CD33: variants seen among roughly 807,000 people sequenced by gnomAD.
CD33 encodes myeloid cell surface antigen CD33.
In CD33, 25 loss-of-function variants were observed where a neutral mutation model predicts 31.4. That is an observed-to-expected ratio of 0.80 (90% CI 0.58 to 1.11). The LOEUF is 1.11. Ranked by LOEUF, CD33 falls within the 50% of genes most tolerant of loss-of-function variation. CD33 has a pLI of 0.00. For missense variants in CD33, 407 were observed against 448.1 expected, an observed-to-expected ratio of 0.91 and a Z score of 0.83; for synonymous variants, 176 against 180.6, an observed-to-expected ratio of 0.97 and a Z score of 0.20.
At chr19:51,223,493 TAGCTGG>T (rs1252096607), upstream of CD33, among the ~76,000 whole-genome samples, 2 of 152,200 alleles carry the variant, frequency 1.3e-5, no homozygotes, top group Non-Finnish European at 2.9e-5. Context: ...GAAAACCATG[TAGCTGG>T]ACCTAAAGTT....
chr19:51,235,165 G>T lies in CD33; in HGVS notation c.754G>T (p.Glu252Ter). ...ATCTTTTTTGTCTGCAGGGAAACAAGAGACCAGAGCAGGAGTGGTTCATGG... is the reference window on the plus strand; with the variant it reads ...ATCTTTTTTGTCTGCAGGGAAACAATAGACCAGAGCAGGAGTGGTTCATGG... Reference protein sequence around the residue: ...IFPGDGSGKQETRAGVVHGAI... With the variant: ...IFPGDGSGKQ The change falls in exon 5 of 7, where the codon GAG becomes TAG. Residue 252 changes from glutamate to a stop codon, truncating the protein, a stop_gained. Coordinates refer to ENST00000262262, the MANE Select transcript of CD33 (RefSeq NM_001772.4). LOFTEE classifies it high-confidence loss of function. The T allele has an allele frequency of 6.2e-7, 1 of 1,613,830 alleles. No individual in the cohort carries two copies. The highest frequency in any genetic ancestry group is 8.5e-7 in the Non-Finnish European group (1 of 1,179,702).
At chr19:51,235,426 C>T in intron 5 of CD33, 169 bp from the exon 6 acceptor site, 1 of 1,331,774 alleles carries the variant, frequency 7.5e-7, no homozygotes, top group East Asian at 2.5e-5. Context: ...GCCCTGATCT[C>T]AGATGTCCAA....
intron 4 of CD33, 23 bp downstream of exon 4, chr19:51,226,379 G>T (rs752980958): frequency 6.2e-7 from 1 of 1,608,600 alleles, no homozygotes; most frequent in Non-Finnish European, 8.5e-7. Context: ...CTCCCCGCCT[G>T]GGGCTGTTAC....
rs368883449 is a variant in CD33, at chr19:51,225,843, A to G, written c.459A>G (p.Leu153=). 43 of 1,613,692 alleles carry G rather than the reference A, an allele frequency of 2.7e-5. No homozygotes were observed. Among genetic ancestry groups the G allele is most frequent in the South Asian group, 4.4e-5 (4 of 91,078 alleles). Residue 153 remains leucine, a synonymous_variant, in exon 3 of 7, where the codon CTA becomes CTG. Transcript: ENST00000262262. ...CCAAAATCCTCATCCCTGGCACTCT[A>G]GAACCCGGCCACTCCAAAAACCTGA... ...HRPKILIPGT[L]EPGHSKNLTC...
Position 51,226,032 on chromosome 19 carries a change from C to T in CD33, c.648C>T (p.Phe216=), listed in dbSNP as rs141510568. ...HGTNLTCQVK[F]AGAGVTTERT... ...CCAACCTGACCTGTCAGGTGAAGTT[C>T]GCTGGAGCTGGTGTGACTACGGAGA... The change falls in exon 3 of 7, where the codon TTC becomes TTT. Residue 216 remains phenylalanine (F), a synonymous_variant. Transcript: ENST00000262262. 11 of 1,614,044 alleles carry T rather than the reference C, an allele frequency of 6.8e-6. No individual in the cohort carries two copies. Among genetic ancestry groups the T allele is most frequent in the African/African-American group, 6.7e-5 (5 of 75,018 alleles).
Position 51,235,656 on chromosome 19 carries a change from A to G in CD33, c.904A>G (p.Thr302Ala). The change falls in exon 6 of 7, where the codon ACC becomes GCC. Residue 302 changes from threonine to alanine, a missense_variant. Coordinates refer to ENST00000262262, the MANE Select transcript of CD33 (RefSeq NM_001772.4). ...TAVGRNDTHP[T>A]TGSASPKHQK... Reference sequence around the variant, plus strand: ...AGTGGGCAGGAATGACACCCACCCTACCACAGGGTCAGCCTCCCCGGTGAG... The same window carrying G: ...AGTGGGCAGGAATGACACCCACCCTGCCACAGGGTCAGCCTCCCCGGTGAG... The G allele has an allele frequency of 6.2e-7, 1 of 1,613,762 alleles. No individual in the cohort carries two copies. The highest frequency in any genetic ancestry group is 8.5e-7 in the Non-Finnish European group (1 of 1,179,902).
chr19:51,235,045 G>A (rs1406230840), intron 4 of CD33, 112 bp from the exon 5 acceptor site: 7 of 771,042 alleles, frequency 9.1e-6, no homozygotes, highest in Non-Finnish European at 1.6e-5. Flanking sequence ...GAAGATCTAG[G>A]AGCTAAACCC....
intron 6 of CD33, chr19:51,236,162 A>G (rs536559892): frequency 2.8e-6 from 1 of 352,584 alleles, no homozygotes; most frequent in Non-Finnish European, 5.4e-6. Flanking sequence ...TGTCCCAAAA[A>G]GAAAAAAAAA....
upstream of CD33, among the ~76,000 whole-genome samples, chr19:51,220,065 CT>C (rs1427592741): frequency 6.6e-6 from 1 of 152,110 alleles, no homozygotes; most frequent in Admixed American, 6.5e-5. Context: ...GGATTCCCTC[CT>C]CCTGAATATT....
intron 6 of CD33, chr19:51,238,641 A>G (rs917141132): frequency 1.3e-5 from 2 of 152,262 alleles, no homozygotes; most frequent in Admixed American, 6.5e-5. Flanking sequence ...GGCTATTTGA[A>G]TGTAGCTAAG....
chr19:51,228,668 TTTTTGTTTTG>T (rs143779270), intron 4 of CD33, among the ~76,000 whole-genome samples: 47 of 151,068 alleles, frequency 3.1e-4, no homozygotes, highest in African/African-American at 5.1e-4. Flanking sequence ...AGTCTTTAGG[TTTTTGTTTTG>T]TTTTGTTTTG....
chr19:51,224,673 A>G (rs977956249), upstream of CD33, among the ~76,000 whole-genome samples: 4 of 152,078 alleles, frequency 2.6e-5, no homozygotes, highest in Admixed American at 6.5e-5. Flanking sequence ...CACGGACCCT[A>G]TAGAATCCTA....
chr19:51,235,078 C>T (rs1169979638), intron 4 of CD33, 79 bp from the exon 5 acceptor site: 1 of 1,191,520 alleles, frequency 8.4e-7, no homozygotes, highest in African/African-American at 1.5e-5. Context: ...GAAGTCACCC[C>T]TCTCTACATG....
chr19:51,217,669 T>G, the CD33 span, among the ~76,000 whole-genome samples: 1 of 152,176 alleles, frequency 6.6e-6, no homozygotes, highest in Non-Finnish European at 1.5e-5. Flanking sequence ...TCCACCAATC[T>G]TGGCCTCCCA....
intron 4 of CD33, among the ~76,000 whole-genome samples, chr19:51,229,354 T>C (rs768196929): frequency 5.9e-5 from 9 of 152,172 alleles, no homozygotes; most frequent in Non-Finnish European, 1.2e-4. Context: ...TCTAGTTTTC[T>C]TTTTTTATTG....
chr19:51,215,843 C>T, the CD33 span, among the ~76,000 whole-genome samples: 2 of 152,108 alleles, frequency 1.3e-5, no homozygotes, highest in East Asian at 1.9e-4. Flanking sequence ...ATGCCTGGGC[C>T]CTCACCTCCT....
At chr19:51,230,827 A>T (rs2123246621) in intron 4 of CD33, among the ~76,000 whole-genome samples, 1 of 152,310 alleles carries the variant, frequency 6.6e-6, no homozygotes, top group East Asian at 1.9e-4. Context: ...CTTGTCTGAC[A>T]TAATGTAAAA....
chr19:51,219,751 T>G, the CD33 span, among the ~76,000 whole-genome samples: 1 of 152,214 alleles, frequency 6.6e-6, no homozygotes. Flanking sequence ...TTGGATTTTA[T>G]CAAAAGCTTT....
rs138183837 is a variant in CD33, at chr19:51,226,071, C to G, written c.687C>G (p.Leu229=). 466 of 1,613,854 alleles carry G rather than the reference C, an allele frequency of 2.9e-4. 1 individual carries two copies. Among genetic ancestry groups the G allele is most frequent in the Middle Eastern group, 8.3e-4 (5 of 6,058 alleles). Residue 229 remains leucine, a synonymous_variant, in exon 3 of 7, where the codon CTC becomes CTG. Transcript: ENST00000262262. ...AGVTTERTIQ[L]NVTYVPQNPT... is the part of the protein sequence containing the mutation. ...TGACTACGGAGAGAACCATCCAGCT[C>G]AACGTCACCTGTAAGTGCTGGGCCA...
Sources: gnomAD v4.1 joint callset for allele counts (sites outside exome capture counted in the v4.1 genomes callset) on GRCh38, gnomAD v4.1.1 for gene constraint, MANE v1.5 for transcripts, NCBI Gene and HGNC (gene_info 2026-07-23, HGNC 2026-07-21) for gene names.